Variants in ROBO2 observed in about 807,000 individuals in gnomAD.
ROBO2 encodes roundabout guidance receptor 2.
In ROBO2, 53 loss-of-function variants were observed where a neutral mutation model predicts 160.8. The ratio of observed to expected loss-of-function variants is 0.33; its 90% confidence interval spans 0.26 to 0.41. ROBO2 has a LOEUF of 0.41. Ranked by LOEUF, ROBO2 falls within the 10% of genes least tolerant of loss-of-function variation. The pLI is 1.00. For missense variants in ROBO2, 1,577 were observed against 1,722.4 expected (o/e 0.92, Z 1.49); for synonymous variants, 664 against 611.7 (o/e 1.09, Z -1.26).
At chr3:76,840,461 A>T (rs1185993860) in intron 2 of ROBO2, among the ~76,000 whole-genome samples, 2 of 151,146 alleles carry the variant, frequency 1.3e-5, no homozygotes, top group African/African-American at 2.4e-5. Flanking sequence ...TACAAAAAAA[A>T]TAGCTGGGTG....
chr3:76,360,618 T>C (rs2075454989), intron 2 of ROBO2, among the ~76,000 whole-genome samples: 2 of 152,238 alleles, frequency 1.3e-5, no homozygotes, highest in East Asian at 3.9e-4. Context: ...GAAGACTTTT[T>C]TTTCCAGTTT....
At chr3:77,095,750 GT>G (rs1239896290) in intron 1 of ROBO2, among the ~76,000 whole-genome samples, 1 of 152,132 alleles carries the variant, frequency 6.6e-6, no homozygotes, top group African/African-American at 2.4e-5. Context: ...AGCCACTCAT[GT>G]TTAAATACTT....
At chr3:76,261,201 T>A (rs182617873) in intron 2 of ROBO2, among the ~76,000 whole-genome samples, 863 of 67,742 alleles carry the variant, frequency 0.013, 5 homozygotes, top group Middle Eastern at 0.02. Flanking sequence ...TGTGTGTGTG[T>A]GTATATATAT....
At chr3:76,127,570 G>T (rs150986638) in intron 2 of ROBO2, among the ~76,000 whole-genome samples, 1 of 148,276 alleles carries the variant, frequency 6.7e-6, no homozygotes, top group Non-Finnish European at 1.5e-5. Context: ...CCAAATAGCT[G>T]TGTGCTTTCT....
chr3:77,417,577 T>C (rs1359225178), intron 2 of ROBO2, among the ~76,000 whole-genome samples: 4 of 152,136 alleles, frequency 2.6e-5, no homozygotes, highest in Non-Finnish European at 2.9e-5. Context: ...AATGTCAGAA[T>C]AGAATGCTTA....
intron 2 of ROBO2, among the ~76,000 whole-genome samples, chr3:75,963,335 T>A (rs1948992041): frequency 6.6e-6 from 1 of 151,694 alleles, no homozygotes; most frequent in Non-Finnish European, 1.5e-5. Flanking sequence ...TACAGGTGTG[T>A]GCCACCACAC....
intron 2 of ROBO2, among the ~76,000 whole-genome samples, chr3:77,112,171 G>A (rs1487605406): frequency 2.1e-5 from 3 of 146,068 alleles, no homozygotes; most frequent in African/African-American, 7.6e-5. Flanking sequence ...TTCCAGCCTG[G>A]GTGACAGAGC....
At chr3:76,716,363 T>G (rs1446544729) in intron 2 of ROBO2, among the ~76,000 whole-genome samples, 1 of 152,190 alleles carries the variant, frequency 6.6e-6, no homozygotes, top group African/African-American at 2.4e-5. Flanking sequence ...AATGTATATC[T>G]TACGTTTTCT....
At chr3:76,092,688 G>A (rs1254289097) in intron 2 of ROBO2, among the ~76,000 whole-genome samples, 1 of 152,114 alleles carries the variant, frequency 6.6e-6, no homozygotes, top group Non-Finnish European at 1.5e-5. Flanking sequence ...AGCCTCTTCA[G>A]CTACATACTT....
chr3:76,156,102 G>A (rs1553660569), intron 2 of ROBO2, among the ~76,000 whole-genome samples: 1 of 150,962 alleles, frequency 6.6e-6, no homozygotes, highest in Non-Finnish European at 1.5e-5. Context: ...TGCCTGCCTT[G>A]TGATTTCCCC....
chr3:76,448,958 C>T (rs1577268361), intron 2 of ROBO2, among the ~76,000 whole-genome samples: 1 of 150,218 alleles, frequency 6.7e-6, no homozygotes, highest in Non-Finnish European at 1.5e-5. Flanking sequence ...TGAGACACTA[C>T]GTTCCATACA....
chr3:76,364,614 A>G (rs1395730702), intron 2 of ROBO2, among the ~76,000 whole-genome samples: 2 of 151,996 alleles, frequency 1.3e-5, no homozygotes, highest in African/African-American at 4.8e-5. Flanking sequence ...TATTTGTTTT[A>G]TTATTCTTGT....
chr3:76,649,634 G>T (rs2091159509), intron 2 of ROBO2, among the ~76,000 whole-genome samples: 1 of 152,098 alleles, frequency 6.6e-6, no homozygotes, highest in Non-Finnish European at 1.5e-5. Context: ...TTTTTATATG[G>T]AGAGATGTTT....
chr3:77,577,754 A>G (rs2093807335), intron 15 of ROBO2, 140 bp downstream of exon 16: 1 of 1,078,562 alleles, frequency 9.3e-7, no homozygotes, highest in East Asian at 2.6e-5. Flanking sequence ...TGTGTGACAG[A>G]GAATGAAACA....
chr3:76,421,111 C>G (rs1367208727), intron 2 of ROBO2, among the ~76,000 whole-genome samples: 1 of 152,166 alleles, frequency 6.6e-6, no homozygotes, highest in Non-Finnish European at 1.5e-5. Context: ...CCTCTTTCAA[C>G]TGGGGGAATA....
intron 2 of ROBO2, among the ~76,000 whole-genome samples, chr3:76,606,261 G>A (rs1180518087): frequency 1.3e-5 from 2 of 150,308 alleles, no homozygotes; most frequent in East Asian, 3.9e-4. Context: ...AGTGTAGATT[G>A]TAGATTGGTT....
At chr3:75,924,727 G>A (rs1268695625) in intron 1 of ROBO2, among the ~76,000 whole-genome samples, 2 of 106,240 alleles carry the variant, frequency 1.9e-5, no homozygotes, top group Non-Finnish European at 3.4e-5. Context: ...CTTGCTCTGT[G>A]GCTCAGGCTG....
intron 2 of ROBO2, among the ~76,000 whole-genome samples, chr3:77,397,351 C>T (rs2075374787): frequency 6.6e-6 from 1 of 152,144 alleles, no homozygotes; most frequent in South Asian, 2.1e-4. Flanking sequence ...ACCCCTTAAA[C>T]CAGCCATACC....
At position 76,841,371 on chromosome 3, in the gene ROBO2, A is replaced by G. The variant is rs138377192; in HGVS notation, c.110-256643A>G. ...TTAATATTTGGTGTTTATAACTTATAGATGCCAACACCACAAACATAAAGA... is the reference window on the plus strand; with the variant it reads ...TTAATATTTGGTGTTTATAACTTATGGATGCCAACACCACAAACATAAAGA... On this transcript the variant is annotated intron_variant, in intron 2 of 26. Transcript: ENST00000487694. 5.1e-4 allele frequency among the ~76,000 whole-genome samples: 77 copies of G among 152,322 alleles called. No homozygotes were observed. The East Asian group carries it at 0.014, about 28-fold the overall frequency.
Sources: gnomAD v4.1 joint callset for allele counts (sites outside exome capture counted in the v4.1 genomes callset) on GRCh38, gnomAD v4.1.1 for gene constraint, MANE v1.5 for transcripts, NCBI Gene and HGNC (gene_info 2026-07-23, HGNC 2026-07-21) for gene names.